Variants in SERPINB10 observed in about 807,000 individuals in gnomAD.
The protein encoded by SERPINB10 is serpin family B member 10.
In SERPINB10, 35 loss-of-function variants were observed where a neutral mutation model predicts 39.1. The ratio of observed to expected loss-of-function variants is 0.90; its 90% CI spans 0.68 to 1.19. SERPINB10 has a LOEUF of 1.19. Ranked by LOEUF, SERPINB10 falls within the 50% of genes most tolerant of loss-of-function variation. The pLI is 0.00. For missense variants in SERPINB10, 546 were observed against 460.5 expected (o/e 1.19, Z -1.70); for synonymous variants, 190 against 158.1 (o/e 1.20, Z -1.52).
intron 5 of SERPINB10, 60 bp from the exon 6 acceptor site, chr18:63,929,985 C>T: frequency 6.5e-7 from 1 of 1,543,942 alleles, no homozygotes. Context: ...GCCTGGTTGT[C>T]TTTAGTTAAA....
chr18:63,921,313 G>A (rs1019127804), intron 5 of SERPINB10, among the ~76,000 whole-genome samples: 1 of 151,828 alleles, frequency 6.6e-6, no homozygotes, highest in Admixed American at 6.6e-5. Context: ...TATTTGCCAA[G>A]GGTCCCATGC....
intron 1 of SERPINB10, among the ~76,000 whole-genome samples, chr18:63,912,123 C>T (rs9966904): frequency 0.26 from 39,498 of 151,550 alleles, 5,790 homozygotes; most frequent in African/African-American, 0.39. Context: ...GATTTTTGTA[C>T]GTCGATTTTG....
At chr18:63,931,846 C>T (rs754674280) in intron 6 of SERPINB10, among the ~76,000 whole-genome samples, 9 of 152,144 alleles carry the variant, frequency 5.9e-5, no homozygotes, top group African/African-American at 9.7e-5. Context: ...TTCAATATCA[C>T]GTAGCCACCA....
chr18:63,910,760 TTG>T (rs763286030), intron 1 of SERPINB10, among the ~76,000 whole-genome samples: 8 of 83,408 alleles, frequency 9.6e-5, no homozygotes, highest in Non-Finnish European at 1.8e-4. Context: ...TGATGAACAC[TTG>T]TGTGTGTGTG....
chr18:63,909,475 T>A (rs2050048547), intron 1 of SERPINB10, among the ~76,000 whole-genome samples: 2 of 152,074 alleles, frequency 1.3e-5, no homozygotes, highest in East Asian at 3.9e-4. Context: ...ATTGTTTCTC[T>A]TGTATGTTCT....
Position 63,933,160 on chromosome 18 carries a change from G to A in SERPINB10, c.746G>A (p.Ser249Asn). 7 of 1,613,968 alleles carry A rather than the reference G, an allele frequency of 4.3e-6. No individual in the cohort carries two copies. Among genetic ancestry groups the A allele is most frequent in the South Asian group, 1.1e-5 (1 of 91,082 alleles). Residue 249 changes from serine to asparagine, a missense_variant, in exon 7 of 8, where the codon AGC (serine) becomes AAC (asparagine). Ser to Asn is a conservative substitution (Grantham distance 46). Transcript: ENST00000238508. ...CTCTACTACAAAAGCCGTGACCTCAGCCTGCTTATACTACTGCCAGAAGAC... is the reference window on the plus strand; with the variant it reads ...CTCTACTACAAAAGCCGTGACCTCAACCTGCTTATACTACTGCCAGAAGAC... ...LQLYYKSRDL[S>N]LLILLPEDIN...
Position 63,935,314 on chromosome 18 carries a change from ATTTTC to A in SERPINB10, c.*73_*77del. ...ATGTACCATGAGATGGAAAAGCACA[ATTTTC>A]ACAAAAATGAGTTTGTAGTCTAAAC... On this transcript the variant is annotated 3_prime_UTR_variant, in exon 8 of 8. Transcript: ENST00000238508. 6.9e-7 allele frequency: 1 copy of A among 1,453,846 alleles called. No homozygotes were observed. Among genetic ancestry groups the A allele is most frequent in the Non-Finnish European group, 9.1e-7 (1 of 1,094,764 alleles). 90.1% of individuals were successfully genotyped at this position (1,453,846 alleles called of 1,614,324 possible).
intron 6 of SERPINB10, 50 bp from the exon 7 acceptor site, chr18:63,932,998 C>G: frequency 6.5e-7 from 1 of 1,550,072 alleles, no homozygotes; most frequent in Non-Finnish European, 8.8e-7. Flanking sequence ...TGGTGGAATA[C>G]TTCTTCAATG....
chr18:63,931,396 A>G (rs1008348720), intron 6 of SERPINB10, among the ~76,000 whole-genome samples: 2 of 152,176 alleles, frequency 1.3e-5, no homozygotes, highest in Non-Finnish European at 2.9e-5. Context: ...GGGGCCATTC[A>G]TGGGCTCTCT....
At chr18:63,923,422 A>G (rs1271129032) in intron 5 of SERPINB10, among the ~76,000 whole-genome samples, 5 of 151,884 alleles carry the variant, frequency 3.3e-5, no homozygotes, top group Non-Finnish European at 7.4e-5. Flanking sequence ...CATCTCAAAG[A>G]TACTTCTTTC....
chr18:63,916,729 G>A (rs972102321), intron 2 of SERPINB10, among the ~76,000 whole-genome samples: 8 of 151,870 alleles, frequency 5.3e-5, no homozygotes, highest in Admixed American at 2.6e-4. Flanking sequence ...TCCTTGTTTC[G>A]GATGTTAACA....
chr18:63,921,075 C>T (rs953180663), intron 5 of SERPINB10, among the ~76,000 whole-genome samples: 36 of 151,858 alleles, frequency 2.4e-4, no homozygotes, highest in African/African-American at 8.5e-4. Flanking sequence ...ACCATGCTGC[C>T]TTTTAAATCA....
At chr18:63,919,236 AT>A (rs397969917) in intron 4 of SERPINB10, among the ~76,000 whole-genome samples, 1,560 of 142,588 alleles carry the variant, frequency 0.011, 9 homozygotes, top group South Asian at 0.019. Context: ...TGAAGGCCTC[AT>A]TTTTTTTTTT....
At chr18:63,908,072 T>A (rs1250833240) in intron 1 of SERPINB10, 32 bp downstream of exon 1, 1 of 299,772 alleles carries the variant, frequency 3.3e-6, no homozygotes, top group Non-Finnish European at 7.0e-6. Flanking sequence ...TTAATGATTT[T>A]ATTTATGTTT....
At chr18:63,919,000 C>A (rs184828636) in intron 4 of SERPINB10, among the ~76,000 whole-genome samples, 2 of 152,068 alleles carry the variant, frequency 1.3e-5, no homozygotes, top group Non-Finnish European at 2.9e-5. Context: ...ATTTTAAATT[C>A]CACAGAATTT....
chr18:63,918,066 T>A lies in SERPINB10; in HGVS notation c.336T>A (p.Asn112Lys), dbSNP rs2050117768. 6 of 1,612,438 alleles carry A rather than the reference T, an allele frequency of 3.7e-6. No individual in the cohort carries two copies. Among genetic ancestry groups the A allele is most frequent in the Non-Finnish European group, 5.1e-6 (6 of 1,179,050 alleles). The change falls in exon 4 of 8, where the codon AAT becomes AAA. Residue 112 changes from asparagine to lysine, a missense_variant. Coordinates refer to ENST00000238508, the MANE Select transcript of SERPINB10 (RefSeq NM_005024.3). ...ATGACTACTTACTTAAAACAGCCAA[T>A]GCGATATATGGAGAGAAAACGTATG... ...PNDDYLLKTA[N>K]AIYGEKTYAF...
chr18:63,921,422 A>G (rs2050145888), intron 5 of SERPINB10, among the ~76,000 whole-genome samples: 1 of 151,936 alleles, frequency 6.6e-6, no homozygotes, highest in South Asian at 2.1e-4. Flanking sequence ...TACACCAATC[A>G]CACACTTGCC....
chr18:63,923,144 T>C (rs1368183504), intron 5 of SERPINB10, among the ~76,000 whole-genome samples: 1 of 151,940 alleles, frequency 6.6e-6, no homozygotes, highest in Non-Finnish European at 1.5e-5. Context: ...TACTGAGCCT[T>C]GTTTGCCACA....
intron 5 of SERPINB10, among the ~76,000 whole-genome samples, chr18:63,927,145 T>C (rs2050187375): frequency 6.6e-6 from 1 of 151,938 alleles, no homozygotes; most frequent in Non-Finnish European, 1.5e-5. Context: ...TAAATAACGG[T>C]AGTCATAGCA....
Sources: allele counts gnomAD v4.1 joint callset (sites outside exome capture counted in the v4.1 genomes callset), GRCh38; gene constraint gnomAD v4.1.1; transcripts MANE v1.5; gene names NCBI Gene and HGNC (gene_info 2026-07-23, HGNC 2026-07-21).